COL25A1: variants seen among roughly 807,000 people sequenced by gnomAD.
COL25A1 encodes the protein collagen type XXV alpha 1 chain.
COL25A1 carries 103 observed loss-of-function variants against 128.4 expected under a neutral mutation model. The ratio of observed to expected loss-of-function variants is 0.80; its 90% CI spans 0.68 to 0.94. COL25A1 has a LOEUF of 0.94. COL25A1 is among the 40% of genes least tolerant of loss of function. COL25A1 has a pLI of 0.00. For missense variants in COL25A1, 745 were observed against 840.0 expected (o/e 0.89, Z 1.40); for synonymous variants, 279 against 277.2 (o/e 1.01, Z -0.06).
chr4:108,982,878 C>G (rs1213352033), intron 6 of COL25A1, among the ~76,000 whole-genome samples: 1 of 152,120 alleles, frequency 6.6e-6, no homozygotes, highest in Non-Finnish European at 1.5e-5. Flanking sequence ...TGCCCATGAT[C>G]AGTCTTAAAT....
intron 6 of COL25A1, among the ~76,000 whole-genome samples, chr4:109,006,943 G>C (rs1022383953): frequency 7.2e-5 from 11 of 152,146 alleles, no homozygotes; most frequent in African/African-American, 2.7e-4. Flanking sequence ...GGGAAGAATA[G>C]CTAATGGATT....
intron 3 of COL25A1, among the ~76,000 whole-genome samples, chr4:109,132,763 G>T (rs1294741372): frequency 1.3e-5 from 2 of 152,082 alleles, no homozygotes; most frequent in African/African-American, 4.8e-5. Flanking sequence ...AGATTGGAAA[G>T]AATAATTTTC....
intron 3 of COL25A1, among the ~76,000 whole-genome samples, chr4:109,151,345 G>A (rs1277113322): frequency 1.3e-5 from 2 of 152,044 alleles, no homozygotes; most frequent in African/African-American, 4.8e-5. Flanking sequence ...TCTCTTCTAA[G>A]ACACACTAGA....
chr4:108,908,493 A>G (rs1743799022), intron 13 of COL25A1, among the ~76,000 whole-genome samples: 1 of 152,164 alleles, frequency 6.6e-6, no homozygotes, highest in Non-Finnish European at 1.5e-5. Context: ...GAAGCTGTGT[A>G]ACACGCAAAA....
chr4:109,163,749 T>G (rs553598210), intron 3 of COL25A1, among the ~76,000 whole-genome samples: 1 of 152,234 alleles, frequency 6.6e-6, no homozygotes, highest in Non-Finnish European at 1.5e-5. Flanking sequence ...AGGTTCATTA[T>G]GAGAAGCCAC....
intron 13 of COL25A1, among the ~76,000 whole-genome samples, chr4:108,912,668 T>A (rs1043025933): frequency 1.3e-5 from 2 of 152,162 alleles, no homozygotes; most frequent in Non-Finnish European, 2.9e-5. Context: ...AAAACTGTGT[T>A]TAGTGTTTAT....
intron 8 of COL25A1, among the ~76,000 whole-genome samples, chr4:108,952,842 T>C (rs1749614544): frequency 7.0e-6 from 1 of 142,082 alleles, no homozygotes; most frequent in Admixed American, 7.0e-5. Flanking sequence ...TTTTTTTTTT[T>C]TTTTTTTTTT....
intron 8 of COL25A1, among the ~76,000 whole-genome samples, chr4:108,953,371 G>T (rs1227754037): frequency 1.3e-5 from 2 of 152,106 alleles, no homozygotes; most frequent in East Asian, 3.9e-4. Context: ...AGAGTCTGTT[G>T]CTTGAGGACA....
Position 108,916,389 on chromosome 4 carries a change from G to A in COL25A1, c.780+1783C>T, listed in dbSNP as rs1361538167. 3.3e-5 allele frequency among the ~76,000 whole-genome samples: 5 copies of A among 152,022 alleles called. No homozygotes were observed. The South Asian group carries it at 1.0e-3, about 32-fold the overall frequency. ...AGAAAATGTCACATTCCTTTCTCTT[G>A]CTAAGGAAATTGCATATTTCCTTTG... On this transcript the variant is annotated intron_variant, in intron 13 of 37. Coordinates refer to ENST00000399132, the MANE Select transcript of COL25A1 (RefSeq NM_198721.4).
At chr4:108,922,673 T>G (rs1362592367) in intron 11 of COL25A1, among the ~76,000 whole-genome samples, 2 of 152,216 alleles carry the variant, frequency 1.3e-5, no homozygotes, top group African/African-American at 4.8e-5. Context: ...TTCATAAAAT[T>G]AAATAAGTTG....
chr4:108,831,704 G>GAA (rs1283783408), intron 32 of COL25A1, among the ~76,000 whole-genome samples: 8 of 151,876 alleles, frequency 5.3e-5, no homozygotes, highest in Admixed American at 4.6e-4. Flanking sequence ...GAGAGAGAGA[G>GAA]AGAGAGAGAG....
At chr4:109,031,434 T>TA (rs1491164048) in intron 5 of COL25A1, among the ~76,000 whole-genome samples, 14 of 150,940 alleles carry the variant, frequency 9.3e-5, no homozygotes, top group South Asian at 2.1e-4. Context: ...ATACTTTTTT[T>TA]AAAAAAAAAG....
At chr4:109,107,310 A>G (rs1766535511) in intron 3 of COL25A1, among the ~76,000 whole-genome samples, 1 of 152,148 alleles carries the variant, frequency 6.6e-6, no homozygotes, top group Non-Finnish European at 1.5e-5. Flanking sequence ...TTCTCATTGA[A>G]GGTCCTCAGG....
intron 8 of COL25A1, 133 bp from the exon 9 acceptor site, chr4:108,941,570 G>C: frequency 3.2e-6 from 2 of 617,966 alleles, no homozygotes; most frequent in Non-Finnish European, 5.7e-6. Flanking sequence ...AAATAGAACT[G>C]GCACTTATGT....
At chr4:108,819,781 A>G in intron 35 of COL25A1, 2 of 1,145,064 alleles carry the variant, frequency 1.7e-6, no homozygotes, top group Non-Finnish European at 2.2e-6. Flanking sequence ...TCACACAAAC[A>G]TCTGGAGACA....
chr4:109,028,350 C>A (rs1466653326), intron 5 of COL25A1, among the ~76,000 whole-genome samples: 1 of 152,202 alleles, frequency 6.6e-6, no homozygotes, highest in Non-Finnish European at 1.5e-5. Flanking sequence ...CTCAAGTAAT[C>A]CTCCTGTCTT....
intron 35 of COL25A1, chr4:108,819,929 A>C: frequency 1.9e-6 from 2 of 1,060,416 alleles, no homozygotes; most frequent in Non-Finnish European, 2.4e-6. Flanking sequence ...ATAAAAGACA[A>C]ATTTTATTTG....
Position 108,918,191 on chromosome 4 carries a change from G to A in COL25A1, c.761C>T (p.Pro254Leu). ...ACTCACCTTTTGCCCATTCATCCCT[G>A]GAATTCCAGGTGCTCCAATAGAACC... is the stretch of plus-strand genomic sequence containing the variant. The part of the protein sequence containing the change: ...QKGSIGAPGI[P>L]GMNGQKGEPG... Residue 254 changes from proline to leucine, a missense_variant, in exon 13 of 38, where the codon CCA (proline) becomes CTA (leucine). This residue lies in a region of COL25A1 where 39 missense variants were observed against 73.3 expected (regional missense o/e 0.53). Transcript: ENST00000399132. The A allele has an allele frequency of 6.3e-7, 1 of 1,596,930 alleles. No individual in the cohort carries two copies. Among genetic ancestry groups the A allele is most frequent in the South Asian group, 1.1e-5 (1 of 87,572 alleles).
chr4:108,938,960 A>G (rs1030277388), intron 10 of COL25A1, among the ~76,000 whole-genome samples: 2 of 152,244 alleles, frequency 1.3e-5, no homozygotes, highest in African/African-American at 4.8e-5. Context: ...AAACAAGTTA[A>G]TTTGTCCTAT....
Sources: allele counts gnomAD v4.1 joint callset (sites outside exome capture counted in the v4.1 genomes callset), GRCh38; gene constraint gnomAD v4.1.1; regional missense constraint gnomAD v4.1.1; transcripts MANE v1.5; gene names NCBI Gene and HGNC (gene_info 2026-07-23, HGNC 2026-07-21).